PRDM11: variants seen among roughly 807,000 people sequenced by gnomAD.
PRDM11 encodes PR domain-containing protein 11.
PRDM11 carries 20 observed loss-of-function variants against 97.8 expected under a neutral mutation model. The ratio of observed to expected loss-of-function variants is 0.20; its 90% CI spans 0.14 to 0.30. PRDM11 has a LOEUF of 0.30. Among genes scored for constraint, PRDM11 ranks in the 10% least tolerant of loss-of-function variants. The pLI, the probability that PRDM11 is intolerant of heterozygous loss-of-function variation, is 1.00. For synonymous variants in PRDM11, 599 were observed against 637.7 expected, an observed-to-expected ratio of 0.94 and a Z score of 0.91; for missense variants, 1,139 against 1,555.2, an observed-to-expected ratio of 0.73 and a Z score of 4.50.
intron 1 of PRDM11, among the ~76,000 whole-genome samples, chr11:45,104,151 T>A (rs1336150957): frequency 2.6e-5 from 4 of 152,236 alleles, no homozygotes; most frequent in Non-Finnish European, 5.9e-5. Context: ...AGGCTAGCCC[T>A]CAAGGGCCAC....
At chr11:45,184,933 A>G (rs1852650696) in intron 4 of PRDM11, among the ~76,000 whole-genome samples, 1 of 152,138 alleles carries the variant, frequency 6.6e-6, no homozygotes, top group African/African-American at 2.4e-5. Context: ...TTAGCAGTTC[A>G]TGGTCTAGAA....
chr11:45,123,826 A>G (rs887090437), intron 1 of PRDM11, among the ~76,000 whole-genome samples: 5 of 152,042 alleles, frequency 3.3e-5, no homozygotes, highest in African/African-American at 9.6e-5. Flanking sequence ...TTGGCGATGC[A>G]GGCTCTTTTT....
intron 1 of PRDM11, among the ~76,000 whole-genome samples, chr11:45,104,902 C>T (rs1852035461): frequency 6.6e-6 from 1 of 152,254 alleles, no homozygotes; most frequent in Admixed American, 6.5e-5. Context: ...GGACCATCTC[C>T]TCCTCCTGCA....
intron 1 of PRDM11, among the ~76,000 whole-genome samples, chr11:45,106,796 C>T (rs751141950): frequency 2.6e-5 from 4 of 152,138 alleles, no homozygotes; most frequent in African/African-American, 7.2e-5. Context: ...GGCAGAAATG[C>T]GTGGCATTTT....
intron 7 of PRDM11, chr11:45,225,217 C>T (rs565861251): frequency 2.2e-4 from 220 of 981,052 alleles, no homozygotes; most frequent in Non-Finnish European, 2.7e-4. Context: ...CTGGAGAGAT[C>T]TCTTGGCTTC....
chr11:45,136,108 TA>T (rs922055275), intron 1 of PRDM11, among the ~76,000 whole-genome samples: 1 of 152,202 alleles, frequency 6.6e-6, no homozygotes, highest in Non-Finnish European at 1.5e-5. Flanking sequence ...GTGTTAGTAA[TA>T]GGGGGAACTG....
Position 45,185,496 on chromosome 11 carries a change from G to C in PRDM11, c.486+2373G>C, listed in dbSNP as rs1304343728. 1.3e-5 allele frequency among the ~76,000 whole-genome samples: 2 copies of C among 152,164 alleles called. 1 individual carries two copies. The highest frequency in any genetic ancestry group is 4.1e-4 in the South Asian group (2 of 4,822). On this transcript the variant is annotated intron_variant, in intron 4 of 7. Transcript: ENST00000683152. Reference sequence around the variant, plus strand: ...GAGAAAGATAAGAGTGAGGTGGGAGGGTGTGTGGTCAAGAGAGTTTGTTCA... The same window carrying C: ...GAGAAAGATAAGAGTGAGGTGGGAGCGTGTGTGGTCAAGAGAGTTTGTTCA...
At chr11:45,213,880 G>A in intron 5 of PRDM11, 2 of 384,118 alleles carry the variant, frequency 5.2e-6, no homozygotes, top group Non-Finnish European at 1.0e-5. Context: ...GTGGGAAGAG[G>A]AGGCAGGGGG....
intron 4 of PRDM11, among the ~76,000 whole-genome samples, chr11:45,189,151 T>C (rs1852818987): frequency 6.6e-6 from 1 of 152,168 alleles, no homozygotes; most frequent in African/African-American, 2.4e-5. Flanking sequence ...TCCGCCCACC[T>C]CAGCCTCCCA....
intron 5 of PRDM11, among the ~76,000 whole-genome samples, chr11:45,217,922 A>G (rs1854005250): frequency 6.6e-6 from 1 of 152,208 alleles, no homozygotes; most frequent in African/African-American, 2.4e-5. Flanking sequence ...ATCCACCTGT[A>G]AGGGGTTGTC....
intron 5 of PRDM11, among the ~76,000 whole-genome samples, chr11:45,218,748 G>A (rs894047261): frequency 7.2e-5 from 11 of 152,252 alleles, no homozygotes; most frequent in Admixed American, 5.9e-4. Flanking sequence ...TGTTGTTTCA[G>A]TGAGAATGGG....
At chr11:45,138,483 G>A (rs12277773) in intron 1 of PRDM11, among the ~76,000 whole-genome samples, 1,913 of 152,260 alleles carry the variant, frequency 0.013, 35 homozygotes, top group African/African-American at 0.043. Flanking sequence ...TGGAAGGATC[G>A]CTTGAGCCTA....
At chr11:45,151,546 A>G (rs1185692002) in intron 1 of PRDM11, among the ~76,000 whole-genome samples, 1 of 152,226 alleles carries the variant, frequency 6.6e-6, no homozygotes, top group Non-Finnish European at 1.5e-5. Flanking sequence ...CATGTATGCC[A>G]TTGCTGTGCC....
At chr11:45,127,666 C>T (rs185881431) in intron 1 of PRDM11, among the ~76,000 whole-genome samples, 24 of 152,318 alleles carry the variant, frequency 1.6e-4, no homozygotes, top group South Asian at 6.2e-4. Flanking sequence ...TGTAGAACAG[C>T]GGGTTTTCAT....
chr11:45,113,107 C>A (rs985184339), intron 1 of PRDM11, among the ~76,000 whole-genome samples: 4 of 152,124 alleles, frequency 2.6e-5, no homozygotes, highest in Admixed American at 2.6e-4. Context: ...AGTCTTTGAT[C>A]CACCATGAAT....
chr11:45,175,027 A>C (rs1217528427), intron 1 of PRDM11, among the ~76,000 whole-genome samples: 2 of 152,244 alleles, frequency 1.3e-5, no homozygotes, highest in African/African-American at 4.8e-5. Flanking sequence ...AACTGAGCAG[A>C]AACTAGAGTT....
In PRDM11 at chr11:45,231,822, T is replaced by G. The variant is rs1854403930; in HGVS notation, c.*3663T>G. On this transcript the variant is annotated 3_prime_UTR_variant, in exon 8 of 8. Transcript: ENST00000683152. ...TTGCCTGCCTGGTTGAATATGAGAG[T>G]CCAGGCATCAGAAACAGCAGCCTTA... 1 of 151,624 alleles carries G rather than the reference T, an allele frequency of 6.6e-6. No homozygotes were observed. Among genetic ancestry groups the G allele is most frequent in the Non-Finnish European group, 1.5e-5 (1 of 67,942 alleles). 9.4% of individuals were successfully genotyped at this position (151,624 alleles called of 1,614,324 possible).
intron 5 of PRDM11, among the ~76,000 whole-genome samples, chr11:45,205,718 C>T (rs1853485536): frequency 6.6e-6 from 1 of 152,138 alleles, no homozygotes; most frequent in Admixed American, 6.5e-5. Flanking sequence ...CTGTCTTAAA[C>T]TCGGAGACTT....
At chr11:45,171,485 A>G (rs1266441591) in intron 1 of PRDM11, among the ~76,000 whole-genome samples, 1 of 152,122 alleles carries the variant, frequency 6.6e-6, no homozygotes, top group Non-Finnish European at 1.5e-5. Flanking sequence ...AATGCTTTGG[A>G]GAGAATGCCC....
Sources: allele counts gnomAD v4.1 joint callset (sites outside exome capture counted in the v4.1 genomes callset), GRCh38; gene constraint gnomAD v4.1.1; transcripts MANE v1.5; gene names NCBI Gene and HGNC (gene_info 2026-07-23, HGNC 2026-07-21).